CCDC68: variants seen among roughly 807,000 people sequenced by gnomAD.
CCDC68 encodes coiled-coil domain containing 68.
In CCDC68, 45 loss-of-function variants were observed where a neutral mutation model predicts 47.1. The ratio of observed to expected loss-of-function variants is 0.96; its 90% CI spans 0.75 to 1.23. The LOEUF (loss-of-function observed/expected upper bound fraction) is 1.23. Ranked by LOEUF, CCDC68 falls within the 50% of genes most tolerant of loss-of-function variation. CCDC68 has a pLI of 0.00. For synonymous variants in CCDC68, 131 were observed against 129.5 expected, an observed-to-expected ratio of 1.01 and a Z score of -0.08; for missense variants, 353 against 373.6, an observed-to-expected ratio of 0.94 and a Z score of 0.45.
intron 9 of CCDC68, 49 bp from the exon 10 acceptor site, chr18:54,918,045 A>G (rs1267441340): frequency 1.3e-6 from 1 of 759,276 alleles, no homozygotes; most frequent in Non-Finnish European, 2.1e-6. Context: ...ACCACAGGAA[A>G]TAGTTACTTA....
At position 54,904,128 on chromosome 18, in the gene CCDC68, T is replaced by G. The variant is rs1488108770; in HGVS notation, c.*230A>C. On this transcript the variant is annotated 3_prime_UTR_variant, in exon 12 of 12. Transcript: ENST00000591504. ...TTAAAGCAGAATCTGTCTTCCATCA[T>G]GAGAAGGCACCTGGTTTCTTCAACT... 1.4e-4 allele frequency: 50 copies of G among 366,464 alleles called. No homozygotes were observed. The highest frequency in any genetic ancestry group is 2.0e-4 in the South Asian group (2 of 9,782). The allele number at this position is 366,464 out of a possible 1,614,324, so 22.7% of individuals were successfully genotyped here.
At chr18:54,919,226 T>C (rs1468235880) in intron 9 of CCDC68, 45 bp downstream of exon 9, 5 of 1,461,978 alleles carry the variant, frequency 3.4e-6, no homozygotes, top group Middle Eastern at 1.7e-4. Context: ...GGCTCCACGC[T>C]GTAAACATAC....
At chr18:54,930,301 T>C (rs1208665280) in intron 7 of CCDC68, among the ~76,000 whole-genome samples, 1 of 152,190 alleles carries the variant, frequency 6.6e-6, no homozygotes, top group Admixed American at 6.5e-5. Context: ...ATTTGACTTA[T>C]ATTTGTATCT....
chr18:54,913,788 C>T (rs372527501), intron 10 of CCDC68, among the ~76,000 whole-genome samples: 7 of 151,274 alleles, frequency 4.6e-5, no homozygotes, highest in Non-Finnish European at 8.8e-5. Flanking sequence ...ACTTCAGCCT[C>T]GGCAACAGAG....
At chr18:54,921,601 G>C (rs770968050) in intron 8 of CCDC68, among the ~76,000 whole-genome samples, 149 of 152,170 alleles carry the variant, frequency 9.8e-4, no homozygotes, top group Admixed American at 1.6e-3. Context: ...AGGATGCAGA[G>C]AACAGAAAGA....
intron 8 of CCDC68, among the ~76,000 whole-genome samples, chr18:54,928,001 A>G (rs1285106378): frequency 2.0e-5 from 3 of 152,246 alleles, no homozygotes; most frequent in Non-Finnish European, 4.4e-5. Context: ...TTCTGTCCAT[A>G]ATGGTGCCTG....
chr18:54,946,144 A>T (rs1430551545), intron 1 of CCDC68, among the ~76,000 whole-genome samples: 1 of 152,248 alleles, frequency 6.6e-6, no homozygotes, highest in East Asian at 1.9e-4. Flanking sequence ...TTCAAGACAC[A>T]TGAAAATTAT....
chr18:54,937,152 G>T, intron 5 of CCDC68, 194 bp from the exon 6 acceptor site: 1 of 565,032 alleles, frequency 1.8e-6, no homozygotes, highest in South Asian at 2.1e-5. Flanking sequence ...ATTTAGAGGG[G>T]CTGTTGAACA....
intron 1 of CCDC68, among the ~76,000 whole-genome samples, chr18:54,951,227 A>C (rs952573861): frequency 6.6e-6 from 1 of 152,126 alleles, no homozygotes; most frequent in African/African-American, 2.4e-5. Context: ...TTTTAATGAA[A>C]TAGTCTATCC....
chr18:54,904,466 G>A (rs1913867716), intron 11 of CCDC68, 51 bp from the exon 12 acceptor site: 1 of 1,422,600 alleles, frequency 7.0e-7, no homozygotes, highest in East Asian at 2.3e-5. Context: ...AAACTCTAGT[G>A]ATTATGGCTA....
Position 54,951,529 on chromosome 18 carries a change from T to C in CCDC68, c.-102-6052A>G, listed in dbSNP as rs892700368. ...AACAAAGATAACTAGTTGGTGGCCATTGGATCCCAAACCATGAGTTGTCTG... is the reference window on the plus strand; with the variant it reads ...AACAAAGATAACTAGTTGGTGGCCACTGGATCCCAAACCATGAGTTGTCTG... On this transcript the variant is annotated intron_variant, in intron 1 of 11. Transcript: ENST00000591504. Among the ~76,000 whole-genome samples the C allele has an allele frequency of 7.9e-5, 12 of 152,218 alleles. 1 individual carries two copies. Among genetic ancestry groups the C allele is most frequent in the African/African-American group, 2.4e-4 (10 of 41,454 alleles).
At chr18:54,923,938 A>T (rs1486243378) in intron 8 of CCDC68, among the ~76,000 whole-genome samples, 2 of 151,982 alleles carry the variant, frequency 1.3e-5, no homozygotes, top group Admixed American at 6.6e-5. Context: ...ACCTCAAGTG[A>T]TCTGCCCACC....
chr18:54,941,489 T>C (rs1313127265), intron 3 of CCDC68, among the ~76,000 whole-genome samples: 1 of 112,892 alleles, frequency 8.9e-6, no homozygotes, highest in Admixed American at 9.1e-5. Flanking sequence ...TACCTAGTAA[T>C]TACTACAAAA....
intron 7 of CCDC68, among the ~76,000 whole-genome samples, chr18:54,931,136 A>G (rs1180245980): frequency 6.6e-6 from 1 of 152,162 alleles, no homozygotes; most frequent in African/African-American, 2.4e-5. Flanking sequence ...TGTTAAATAG[A>G]CTTACTCTTG....
At chr18:54,940,269 C>A (rs1460757529) in intron 4 of CCDC68, among the ~76,000 whole-genome samples, 4 of 152,202 alleles carry the variant, frequency 2.6e-5, no homozygotes, top group Non-Finnish European at 5.9e-5. Flanking sequence ...GAAGCCTCTA[C>A]TTGGAGGTCT....
chr18:54,904,316 GACTC>G lies in CCDC68; in HGVS notation c.*38_*41del. The G allele has an allele frequency of 2.7e-6, 4 of 1,474,766 alleles. No individual in the cohort carries two copies. Among genetic ancestry groups the G allele is most frequent in the Non-Finnish European group, 3.8e-6 (4 of 1,055,100 alleles). The allele number at this position is 1,474,766 out of a possible 1,614,324, so 91.4% of individuals were successfully genotyped here. On this transcript the variant is annotated 3_prime_UTR_variant, in exon 12 of 12. Transcript: ENST00000591504. The stretch of plus-strand genomic sequence containing the variant: ...GGGCTGTGTTTCAGAGAATAAATAA[GACTC>G]ACGCAGTCTTTCTAAATCAGATCTT...
chr18:54,923,515 G>A (rs2044096846), intron 8 of CCDC68, among the ~76,000 whole-genome samples: 3 of 151,792 alleles, frequency 2.0e-5, no homozygotes, highest in Admixed American at 6.6e-5. Flanking sequence ...GAAAACACAT[G>A]GCCTTGGGGC....
intron 7 of CCDC68, among the ~76,000 whole-genome samples, chr18:54,932,405 C>G (rs9953417): frequency 0.38 from 57,804 of 151,328 alleles, 11,182 homozygotes; most frequent in East Asian, 0.58. Context: ...TGGCCAGGCT[C>G]GTCTTGAACT....
chr18:54,934,983 C>T, intron 6 of CCDC68, 35 bp from the exon 7 acceptor site: 3 of 1,500,346 alleles, frequency 2.0e-6, no homozygotes, highest in Non-Finnish European at 2.7e-6. Flanking sequence ...TGTGAAAACT[C>T]TGTTTTTCTT....
Sources: allele counts gnomAD v4.1 joint callset (sites outside exome capture counted in the v4.1 genomes callset), GRCh38; gene constraint gnomAD v4.1.1; transcripts MANE v1.5; gene names NCBI Gene and HGNC (gene_info 2026-07-23, HGNC 2026-07-21).